Variants in MACROD2 observed in about 807,000 individuals in gnomAD.
MACROD2 encodes ADP-ribose glycohydrolase MACROD2.
MACROD2 carries 36 observed loss-of-function variants against 70.4 expected under a neutral mutation model. That is an observed-to-expected ratio of 0.51 (90% CI 0.39 to 0.68). The LOEUF is 0.68. MACROD2 is among the 30% of genes least tolerant of loss of function. The pLI is 0.00. For synonymous variants in MACROD2, 172 were observed against 178.8 expected (o/e 0.96, Z 0.30); for missense variants, 496 against 538.4 (o/e 0.92, Z 0.78).
intron 5 of MACROD2, among the ~76,000 whole-genome samples, chr20:15,009,282 C>G (rs927533879): frequency 5.9e-5 from 9 of 152,066 alleles, no homozygotes; most frequent in African/African-American, 2.2e-4. Flanking sequence ...TAAGTTGATT[C>G]CTCCCCAAAG....
intron 3 of MACROD2, among the ~76,000 whole-genome samples, chr20:14,108,227 C>T (rs374037371): frequency 4.5e-4 from 68 of 151,238 alleles, no homozygotes; most frequent in South Asian, 2.1e-3. Flanking sequence ...GCACGCCTCA[C>T]GGTAACTTCA....
chr20:14,260,482 G>C (rs1259472764), intron 3 of MACROD2, among the ~76,000 whole-genome samples: 2 of 152,048 alleles, frequency 1.3e-5, no homozygotes, highest in African/African-American at 2.4e-5. Context: ...TTATCACCCA[G>C]GCTGGAGTGC....
intron 2 of MACROD2, among the ~76,000 whole-genome samples, chr20:14,003,980 A>C (rs1475010738): frequency 6.6e-6 from 1 of 152,164 alleles, no homozygotes; most frequent in Middle Eastern, 3.2e-3. Flanking sequence ...CAGCAGCAGC[A>C]CTATCTTCTT....
chr20:14,151,929 C>G (rs1408462761), intron 3 of MACROD2, among the ~76,000 whole-genome samples: 2 of 142,726 alleles, frequency 1.4e-5, no homozygotes, highest in African/African-American at 5.2e-5. Context: ...TCATGCCATT[C>G]TCCTGCCTCA....
intron 12 of MACROD2, among the ~76,000 whole-genome samples, chr20:15,939,570 G>T (rs1295745061): frequency 6.6e-6 from 1 of 151,552 alleles, no homozygotes; most frequent in Non-Finnish European, 1.5e-5. Flanking sequence ...CTGGTCTTCC[G>T]AGAGTTCCGA....
At chr20:14,064,032 G>A (rs760472801) in intron 2 of MACROD2, among the ~76,000 whole-genome samples, 51 of 152,092 alleles carry the variant, frequency 3.4e-4, no homozygotes, top group Non-Finnish European at 6.0e-4. Context: ...TGTCCTGTCC[G>A]AAGCATTTTG....
chr20:15,005,515 T>A (rs1311153570), intron 5 of MACROD2, among the ~76,000 whole-genome samples: 1 of 152,206 alleles, frequency 6.6e-6, no homozygotes, highest in Non-Finnish European at 1.5e-5. Flanking sequence ...CCACGCATTT[T>A]AATTTTCAAA....
chr20:15,789,754 A>G (rs2063607909), intron 8 of MACROD2, among the ~76,000 whole-genome samples: 1 of 152,052 alleles, frequency 6.6e-6, no homozygotes, highest in Admixed American at 6.6e-5. Flanking sequence ...CAAGTGCATA[A>G]AATTTAAAAT....
At chr20:14,175,294 T>C (rs1346938413) in intron 3 of MACROD2, among the ~76,000 whole-genome samples, 2 of 152,196 alleles carry the variant, frequency 1.3e-5, no homozygotes, top group Non-Finnish European at 2.9e-5. Flanking sequence ...CCCTAAAGAC[T>C]CCTTCTTAAA....
intron 8 of MACROD2, among the ~76,000 whole-genome samples, chr20:15,598,087 T>A (rs942873864): frequency 6.6e-6 from 1 of 151,932 alleles, no homozygotes; most frequent in African/African-American, 2.4e-5. Flanking sequence ...CTCAAAAAAA[T>A]AAAAGAGTTG....
intron 3 of MACROD2, among the ~76,000 whole-genome samples, chr20:14,467,403 G>A (rs977614654): frequency 1.3e-5 from 2 of 152,092 alleles, no homozygotes; most frequent in Non-Finnish European, 2.9e-5. Flanking sequence ...TATTAAGGTG[G>A]GAGTGATCCG....
chr20:15,735,996 G>A (rs1302276769), intron 8 of MACROD2, among the ~76,000 whole-genome samples: 3 of 152,046 alleles, frequency 2.0e-5, no homozygotes, highest in Non-Finnish European at 4.4e-5. Context: ...CTGAGATACG[G>A]CATCATGGTA....
intron 3 of MACROD2, among the ~76,000 whole-genome samples, chr20:14,314,792 AT>A (rs1423975852): frequency 5.9e-5 from 9 of 151,788 alleles, no homozygotes; most frequent in South Asian, 2.1e-4. Flanking sequence ...AAATAAATAA[AT>A]AAAATTTTTT....
At position 14,178,372 on chromosome 20, in the gene MACROD2, CATATCTATGAATTT is replaced by C. The variant is rs1242304542; in HGVS notation, c.271+92647_271+92660del. On this transcript the variant is annotated intron_variant, in intron 3 of 17. Coordinates refer to ENST00000684519, the MANE Select transcript of MACROD2 (RefSeq NM_001351661.2). Reference sequence around the variant, plus strand: ...AATAATAATTTTTAAAAATGAGGAACATATCTATGAATTTATTTGGAGTAATTTCTAGAATATTC... The same window carrying C: ...AATAATAATTTTTAAAAATGAGGAACATTTGGAGTAATTTCTAGAATATTC... Among the ~76,000 whole-genome samples the C allele has an allele frequency of 2.6e-5, 4 of 152,116 alleles. No homozygotes were observed. The East Asian group carries it at 7.7e-4, about 29-fold the overall frequency.
At chr20:15,188,580 G>T (rs2076548995) in intron 5 of MACROD2, among the ~76,000 whole-genome samples, 1 of 152,140 alleles carries the variant, frequency 6.6e-6, no homozygotes. Flanking sequence ...TCAAAGATAT[G>T]CTTTTCTCAT....
intron 5 of MACROD2, among the ~76,000 whole-genome samples, chr20:15,128,342 C>T (rs963854559): frequency 2.0e-5 from 3 of 152,136 alleles, no homozygotes; most frequent in Non-Finnish European, 4.4e-5. Context: ...TCCCTTCCAA[C>T]GTTCCATTAC....
At chr20:15,875,317 TC>T (rs1341755159) in intron 9 of MACROD2, among the ~76,000 whole-genome samples, 1 of 152,032 alleles carries the variant, frequency 6.6e-6, no homozygotes, top group Non-Finnish European at 1.5e-5. Context: ...TTGTACATTT[TC>T]CCCCCAAATG....
intron 3 of MACROD2, among the ~76,000 whole-genome samples, chr20:14,320,622 C>T (rs2082650309): frequency 6.6e-6 from 1 of 151,792 alleles, no homozygotes. Flanking sequence ...CAAACACCTC[C>T]TAAATCAGTG....
At chr20:15,102,126 GAATT>G (rs2075877530) in intron 5 of MACROD2, among the ~76,000 whole-genome samples, 1 of 151,616 alleles carries the variant, frequency 6.6e-6, no homozygotes, top group Non-Finnish European at 1.5e-5. Context: ...AACAAACTAA[GAATT>G]AATTAAAAAA....
Sources: allele counts gnomAD v4.1 joint callset (sites outside exome capture counted in the v4.1 genomes callset), GRCh38; gene constraint gnomAD v4.1.1; transcripts MANE v1.5; gene names NCBI Gene and HGNC (gene_info 2026-07-23, HGNC 2026-07-21).